The following ABHD12 variants were observed in gnomAD, a reference collection of about 807,000 sequenced individuals.
ABHD12 encodes lysophosphatidylserine lipase ABHD12.
ABHD12 carries 43 observed loss-of-function variants against 58.3 expected under a neutral mutation model. The observed-to-expected ratio is 0.74, with a 90% CI of 0.58 to 0.95. The LOEUF (loss-of-function observed/expected upper bound fraction) is 0.95, where lower values mean the gene tolerates loss of function less well. Among genes scored for constraint, ABHD12 ranks in the 40% least tolerant of loss-of-function variants. ABHD12 has a pLI of 0.00. For missense variants in ABHD12, 539 were observed against 537.2 expected, an observed-to-expected ratio of 1.00 and a Z score of -0.03; for synonymous variants, 219 against 211.2, an observed-to-expected ratio of 1.04 and a Z score of -0.32.
intron 1 of ABHD12, among the ~76,000 whole-genome samples, chr20:25,351,498 G>A (rs2089599604): frequency 6.6e-6 from 1 of 152,352 alleles, no homozygotes; most frequent in African/African-American, 2.4e-5. Context: ...TCACTTGGCT[G>A]TGTACTGCAG....
intron 1 of ABHD12, among the ~76,000 whole-genome samples, chr20:25,376,506 C>G (rs1378532191): frequency 2.6e-5 from 4 of 152,162 alleles, no homozygotes; most frequent in Non-Finnish European, 5.9e-5. Context: ...AACTGGGTAT[C>G]CTACTGTGAG....
chr20:25,361,607 G>C (rs1416603540), intron 1 of ABHD12, among the ~76,000 whole-genome samples: 1 of 152,192 alleles, frequency 6.6e-6, no homozygotes, highest in East Asian at 1.9e-4. Context: ...CCAGCCAGCT[G>C]GTTACTGGTA....
rs1483888506 is a variant in ABHD12, at chr20:25,334,085, A to C, written c.316+5142T>G. ...CATTGTCTCAGCCCAAAATCTCCTTAAGCTGATAAGCAACTTCAGCAAAGT... is the reference window on the plus strand; with the variant it reads ...CATTGTCTCAGCCCAAAATCTCCTTCAGCTGATAAGCAACTTCAGCAAAGT... On this transcript the variant is annotated intron_variant, in intron 2 of 12. Transcript: ENST00000339157. Among the ~76,000 whole-genome samples, 10 of 152,058 alleles carry C rather than the reference A, an allele frequency of 6.6e-5. No homozygotes were observed. The East Asian group carries it at 7.7e-4, about 12-fold the overall frequency.
chr20:25,350,971 AC>A (rs2089591487), intron 1 of ABHD12, among the ~76,000 whole-genome samples: 1 of 29,624 alleles, frequency 3.4e-5, no homozygotes, highest in Admixed American at 4.4e-4. Context: ...ACACACACAC[AC>A]ACACACACAC....
At chr20:25,389,727 C>A (rs1193165178) in intron 1 of ABHD12, among the ~76,000 whole-genome samples, 1 of 152,198 alleles carries the variant, frequency 6.6e-6, no homozygotes, top group Non-Finnish European at 1.5e-5. Context: ...CTCAGGACTG[C>A]GAGATGATTC....
intron 5 of ABHD12, among the ~76,000 whole-genome samples, chr20:25,316,700 AGGC>A (rs2088968510): frequency 6.6e-6 from 1 of 152,186 alleles, no homozygotes; most frequent in South Asian, 2.1e-4. Context: ...ACACTTTGGG[AGGC>A]CAAGGTGGGA....
In ABHD12 at chr20:25,306,038, G is replaced by C. The variant is rs1600766199; in HGVS notation, c.950+795C>G. Among the ~76,000 whole-genome samples, 4 of 152,116 alleles carry C rather than the reference G, an allele frequency of 2.6e-5. No individual in the cohort carries two copies. The South Asian group carries it at 8.3e-4, about 32-fold the overall frequency. On this transcript the variant is annotated intron_variant, in intron 10 of 12. Coordinates refer to ENST00000339157, the MANE Select transcript of ABHD12 (RefSeq NM_001042472.3). ...AAAAATTAGTGGGGCATGATGGCGG[G>C]TACCTGTAATCCCAGGTACTCGGGA...
chr20:25,298,339 C>T (rs925052031), downstream of ABHD12, among the ~76,000 whole-genome samples: 3 of 152,058 alleles, frequency 2.0e-5, no homozygotes, highest in Admixed American at 6.5e-5. Context: ...GGTCTTGGCT[C>T]GCTGCAACCT....
chr20:25,303,262 C>A, intron 11 of ABHD12: 2 of 1,270,576 alleles, frequency 1.6e-6, no homozygotes, highest in Non-Finnish European at 2.0e-6. Flanking sequence ...ACTCTGATAA[C>A]CCCTGTGTGA....
intron 2 of ABHD12, among the ~76,000 whole-genome samples, chr20:25,326,445 G>A (rs1282955292): frequency 6.6e-6 from 1 of 152,160 alleles, no homozygotes; most frequent in Non-Finnish European, 1.5e-5. Flanking sequence ...GGAGGCCCAA[G>A]TTATTTTAGG....
In ABHD12 at chr20:25,309,175, C is replaced by CCAA. The variant is rs1422433309; in HGVS notation, c.749+270_749+271insTTG. Among the ~76,000 whole-genome samples, 4 of 152,148 alleles carry CCAA rather than the reference C, an allele frequency of 2.6e-5. No homozygotes were observed. In the East Asian group the frequency reaches 7.7e-4, roughly 29 times the overall value. ...GTGCCCTCCCTCAGCTCTGAAGACG[C>CCAA]TTCTTCCTCAGAGCCAAGTCTCCCT... On this transcript the variant is annotated intron_variant, in intron 7 of 12. Coordinates refer to ENST00000339157, the MANE Select transcript of ABHD12 (RefSeq NM_001042472.3).
intron 5 of ABHD12, among the ~76,000 whole-genome samples, chr20:25,316,029 C>T (rs921637641): frequency 2.0e-5 from 3 of 152,190 alleles, no homozygotes; most frequent in Admixed American, 1.3e-4. Context: ...GCACCCCCTG[C>T]ATGTGGGGAG....
chr20:25,390,497 C>CCCCCCA lies in ABHD12; in HGVS notation c.191+15_191+16insTGGGGG. On this transcript the variant is annotated intron_variant, in intron 1 of 12. Coordinates refer to ENST00000339157, the MANE Select transcript of ABHD12 (RefSeq NM_001042472.3). ...GACCGGCCCCCCCCCCCCCCCCGCT[C>CCCCCCA]CGCGCGAAGCCTCACCTGCCCAGCG... The CCCCCCA allele has an allele frequency of 7.1e-7, 1 of 1,406,340 alleles. No individual in the cohort carries two copies. The highest frequency in any genetic ancestry group is 2.6e-5 in the Admixed American group (1 of 38,876). 87.1% of individuals were successfully genotyped at this position (1,406,340 alleles called of 1,614,324 possible). A position where few individuals can be genotyped will look rare whatever the true frequency, so the allele number is the denominator to read the frequency against.
At chr20:25,373,089 G>A (rs926619964) in intron 1 of ABHD12, among the ~76,000 whole-genome samples, 1 of 152,188 alleles carries the variant, frequency 6.6e-6, no homozygotes, top group African/African-American at 2.4e-5. Context: ...TTACCACATA[G>A]CCCAGGCGTG....
intron 1 of ABHD12, among the ~76,000 whole-genome samples, chr20:25,361,769 C>T (rs1487592428): frequency 6.6e-6 from 1 of 151,648 alleles, no homozygotes; most frequent in Non-Finnish European, 1.5e-5. Context: ...TTCTGGCTAA[C>T]ACGGTGAAAC....
chr20:25,378,864 A>ATG (rs1568774500), intron 1 of ABHD12, among the ~76,000 whole-genome samples: 1 of 152,042 alleles, frequency 6.6e-6, no homozygotes. Flanking sequence ...CCTTTCCCAC[A>ATG]CCAACACCCA....
At chr20:25,357,238 C>T (rs1159810899) in intron 1 of ABHD12, among the ~76,000 whole-genome samples, 1 of 152,208 alleles carries the variant, frequency 6.6e-6, no homozygotes, top group Non-Finnish European at 1.5e-5. Flanking sequence ...CTTCTGCCTC[C>T]TCCAAACATA....
intron 11 of ABHD12, 65 bp from the exon 12 acceptor site, chr20:25,302,411 C>T: frequency 6.2e-7 from 1 of 1,602,556 alleles, no homozygotes; most frequent in South Asian, 1.1e-5. Context: ...CTGAGGAACA[C>T]CAGCTTGGCA....
chr20:25,382,417 T>A (rs1453707387), intron 1 of ABHD12, among the ~76,000 whole-genome samples: 1 of 152,132 alleles, frequency 6.6e-6, no homozygotes, highest in Non-Finnish European at 1.5e-5. Flanking sequence ...CAAAGTCCTG[T>A]GGCGTCATCT....
Sources: allele counts gnomAD v4.1 joint callset (sites outside exome capture counted in the v4.1 genomes callset), GRCh38; gene constraint gnomAD v4.1.1; transcripts MANE v1.5; gene names NCBI Gene and HGNC (gene_info 2026-07-23, HGNC 2026-07-21).